The following SPINT4 variants were observed in gnomAD, a reference collection of about 807,000 sequenced individuals.
The protein encoded by SPINT4 is serine peptidase inhibitor, Kunitz type 4.
In SPINT4, 7 loss-of-function variants were observed where a neutral mutation model predicts 9.4. The observed-to-expected ratio is 0.74, with a 90% CI of 0.42 to 1.40. The LOEUF is 1.40. Ranked by LOEUF, SPINT4 falls within the 40% of genes most tolerant of loss-of-function variation. The pLI is 0.01. For missense variants in SPINT4, 105 were observed against 114.4 expected (o/e 0.92, Z 0.37); for synonymous variants, 36 against 39.9 (o/e 0.90, Z 0.37).
Position 45,722,404 on chromosome 20 carries a change from T to C in SPINT4, c.37T>C (p.Phe13Leu). 6.2e-7 allele frequency: 1 copy of C among 1,613,768 alleles called. No homozygotes were observed. Among genetic ancestry groups the C allele is most frequent in the Non-Finnish European group, 8.5e-7 (1 of 1,179,632 alleles). ...SAKLGFLLRF[F>L]IFCSLNTLLL... ...CAAGCTGGGATTTCTTCTAAGATTC[T>C]TCATCTTCTGCTCATTGAATACCCT... The change falls in exon 1 of 3, where the codon TTC (phenylalanine) becomes CTC (leucine). Residue 13 changes from phenylalanine (F) to leucine (L), a missense_variant. Coordinates refer to ENST00000279058, the MANE Select transcript of SPINT4 (RefSeq NM_178455.3).
chr20:45,723,808 G>A, intron 1 of SPINT4, 72 bp from the exon 2 acceptor site: 7 of 1,276,898 alleles, frequency 5.5e-6, no homozygotes, highest in Non-Finnish European at 6.4e-6. Flanking sequence ...AATTTTTAAG[G>A]GCCCATAAAG....
intron 1 of SPINT4, among the ~76,000 whole-genome samples, chr20:45,722,949 A>G (rs1429309714): frequency 6.6e-6 from 1 of 152,084 alleles, no homozygotes; most frequent in Non-Finnish European, 1.5e-5. Flanking sequence ...TTTCTTCCAT[A>G]GATAGTGTGT....
At chr20:45,722,606 C>A in intron 1 of SPINT4, 124 bp downstream of exon 1, 1 of 699,326 alleles carries the variant, frequency 1.4e-6, no homozygotes, top group Non-Finnish European at 2.5e-6. Context: ...TACCCATAGA[C>A]ACTTAGTCCC....
Position 45,725,013 on chromosome 20 carries a change from T to TACACATATATATATATATACAC in SPINT4, c.294-615_294-614insCACATATATATATATATACACA, listed in dbSNP as rs1555808999. On this transcript the variant is annotated intron_variant, in intron 2 of 2. Transcript: ENST00000279058. ...AAAAAAAAATATATATATATATATA[T>TACACATATATATATATATACAC]ATATATATATATATCAATAGATATA... 8.1e-5 allele frequency among the ~76,000 whole-genome samples: 4 copies of TACACATATATATATATATACAC among 49,522 alleles called. 1 individual carries two copies. Among genetic ancestry groups the TACACATATATATATATATACAC allele is most frequent in the African/African-American group, 1.5e-4 (1 of 6,466 alleles). 32.5% of individuals were successfully genotyped at this position (49,522 alleles called of 152,430 possible).
Position 45,725,792 on chromosome 20 carries a change from T to C in SPINT4, c.*157T>C, listed in dbSNP as rs1978372460. 2 of 882,782 alleles carry C rather than the reference T, an allele frequency of 2.3e-6. No homozygotes were observed. The highest frequency in any genetic ancestry group is 1.7e-5 in the African/African-American group (1 of 59,706). 54.7% of individuals were successfully genotyped at this position (882,782 alleles called of 1,614,324 possible). ...CCCTAGTTTTGTCTTTCCTGGAAAT[T>C]AACTGTATGATCATTAGAATGAAAG... On this transcript the variant is annotated 3_prime_UTR_variant, in exon 3 of 3. Transcript: ENST00000279058.
chr20:45,723,502 G>C, intron 1 of SPINT4, among the ~76,000 whole-genome samples: 1 of 152,236 alleles, frequency 6.6e-6, no homozygotes, highest in East Asian at 1.9e-4. Context: ...CATGTCCTAT[G>C]TGGGCAATTA....
intron 2 of SPINT4, 107 bp from the exon 3 acceptor site, chr20:45,725,522 G>A (rs1293152071): frequency 3.6e-6 from 4 of 1,099,652 alleles, no homozygotes; most frequent in Admixed American, 1.8e-5. Flanking sequence ...GAGATAGAAG[G>A]CATCCTCTGT....
At chr20:45,725,582 A>G (rs974640560) in intron 2 of SPINT4, 47 bp from the exon 3 acceptor site, 3 of 1,612,644 alleles carry the variant, frequency 1.9e-6, no homozygotes, top group Non-Finnish European at 2.5e-6. Flanking sequence ...GAGACCTTCA[A>G]AAACCTGTAA....
At chr20:45,722,555 T>G in intron 1 of SPINT4, 73 bp downstream of exon 1, 1 of 1,146,122 alleles carries the variant, frequency 8.7e-7, no homozygotes, top group Non-Finnish European at 1.3e-6. Context: ...GAGAAAAGTG[T>G]GTTATCTAGG....
chr20:45,722,541 T>C (rs1197710302), intron 1 of SPINT4, 59 bp downstream of exon 1: 174 of 1,302,298 alleles, frequency 1.3e-4, no homozygotes, highest in South Asian at 1.2e-3. Flanking sequence ...AGAGAAGGTA[T>C]TGGGAGAAAA....
At position 45,723,874 on chromosome 20, in the gene SPINT4, A is replaced by G. The variant is rs148466992; in HGVS notation, c.116-6A>G. ...CCCACTAACTCAATGGGAACCTCTC[A>G]TGCAGATCCCTGCAAATTGGACATG... On this transcript the variant is annotated splice_polypyrimidine_tract_variant and splice_region_variant and intron_variant, in intron 1 of 2. Transcript: ENST00000279058. 915 of 1,580,466 alleles carry G rather than the reference A, an allele frequency of 5.8e-4. 11 individuals carry two copies. The African/African-American group carries it at 8.6e-3, about 15-fold the overall frequency.
rs144605159 is a variant in SPINT4 at position 45,725,544 on chromosome 20, G to T, written c.294-85G>T. On this transcript the variant is annotated intron_variant, in intron 2 of 2. Coordinates refer to ENST00000279058, the MANE Select transcript of SPINT4 (RefSeq NM_178455.3). ...AAGGCATCCTCTGTGCTTTCCCTAG[G>T]ATAAAAAATGACCTGCATTAATCCA... is the stretch of plus-strand genomic sequence containing the variant. The T allele has an allele frequency of 5.5e-6, 8 of 1,447,398 alleles. No individual in the cohort carries two copies. In the African/African-American group the frequency reaches 8.4e-5, roughly 15 times the overall value. 89.7% of individuals were successfully genotyped at this position (1,447,398 alleles called of 1,614,324 possible).
intron 2 of SPINT4, among the ~76,000 whole-genome samples, chr20:45,724,979 C>CAAAAAAAAAAAAAAA (rs1168670011): frequency 1.1e-4 from 3 of 27,184 alleles, no homozygotes; most frequent in Non-Finnish European, 1.6e-4. Context: ...GACTCCATCT[C>CAAAAAAAAAAAAAAA]AAAAAAAAAA....
intron 2 of SPINT4, among the ~76,000 whole-genome samples, chr20:45,724,979 CAAAAAA>C (rs1168670011): frequency 7.4e-5 from 2 of 27,190 alleles, no homozygotes; most frequent in Non-Finnish European, 1.1e-4. Flanking sequence ...GACTCCATCT[CAAAAAA>C]AAAAAAAAAA....
chr20:45,722,753 T>C (rs1442912271), intron 1 of SPINT4, among the ~76,000 whole-genome samples: 1 of 151,912 alleles, frequency 6.6e-6, no homozygotes, highest in Admixed American at 6.6e-5. Context: ...GAATCAGAGG[T>C]TGTGTGACAA....
rs1427117928 is a variant in SPINT4, at chr20:45,725,649, C to T, written c.*14C>T. ...AACAGGAGGTGAGAGGATGTGAACT[C>T]ATGAAGTTGTCTGCTGCACCATCCG... On this transcript the variant is annotated 3_prime_UTR_variant, in exon 3 of 3. Transcript: ENST00000279058. 1 of 1,613,650 alleles carries T rather than the reference C, an allele frequency of 6.2e-7. No individual in the cohort carries two copies. Among genetic ancestry groups the T allele is most frequent in the Non-Finnish European group, 8.5e-7 (1 of 1,179,636 alleles).
At chr20:45,725,408 A>T (rs1321691209) in intron 2 of SPINT4, among the ~76,000 whole-genome samples, 1 of 152,032 alleles carries the variant, frequency 6.6e-6, no homozygotes, top group Non-Finnish European at 1.5e-5. Flanking sequence ...TGTTTATTTT[A>T]TATTCCTAGT....
rs941689470 is a variant in SPINT4, at chr20:45,722,455, G to T, written c.88G>T (p.Ala30Ser). 5.0e-6 allele frequency: 8 copies of T among 1,612,674 alleles called. No homozygotes were observed. The Admixed American group carries it at 5.0e-5, about 10-fold the overall frequency. ...TLLLGGVNKI[A>S]EKICGDLKDP... ...GTTATTGGGTGGTGTTAATAAAATT[G>T]CGGAGAAGATATGTGGAGACCTCAA... Residue 30 changes from alanine (A) to serine (S), a missense_variant, in exon 1 of 3, where the codon GCG (alanine) becomes TCG (serine). Physicochemically the swap from Ala to Ser is moderately conservative, Grantham distance 99 (BLOSUM62 1). Coordinates refer to ENST00000279058, the MANE Select transcript of SPINT4 (RefSeq NM_178455.3).
At position 45,723,868 on chromosome 20, in the gene SPINT4, C is replaced by A. The variant is rs375759176; in HGVS notation, c.116-12C>A. ...CCAATTCCCACTAACTCAATGGGAA[C>A]CTCTCATGCAGATCCCTGCAAATTG... On this transcript the variant is annotated splice_polypyrimidine_tract_variant and intron_variant, in intron 1 of 2. Transcript: ENST00000279058. 3 of 1,558,088 alleles carry A rather than the reference C, an allele frequency of 1.9e-6. No homozygotes were observed. Among genetic ancestry groups the A allele is most frequent in the African/African-American group, 1.4e-5 (1 of 70,900 alleles).
Sources: gnomAD v4.1 joint callset for allele counts (sites outside exome capture counted in the v4.1 genomes callset) on GRCh38, gnomAD v4.1.1 for gene constraint, MANE v1.5 for transcripts, NCBI Gene and HGNC (gene_info 2026-07-23, HGNC 2026-07-21) for gene names.